Variants in RFX3 observed in about 807,000 individuals in gnomAD.
RFX3 encodes the protein regulatory factor X3.
RFX3 carries 14 observed loss-of-function variants against 98.6 expected under a neutral mutation model. The observed-to-expected ratio is 0.14, with a 90% CI of 0.09 to 0.22. The LOEUF is 0.22. Ranked by LOEUF, RFX3 falls within the 10% of genes least tolerant of loss-of-function variation. RFX3 has a pLI of 1.00. For missense variants in RFX3, 639 were observed against 926.9 expected (o/e 0.69, Z 4.03); for synonymous variants, 383 against 328.4 (o/e 1.17, Z -1.80).
At chr9:3,501,397 T>C (rs1261482318) in intron 1 of RFX3, among the ~76,000 whole-genome samples, 1 of 152,068 alleles carries the variant, frequency 6.6e-6, no homozygotes, top group Non-Finnish European at 1.5e-5. Flanking sequence ...TATTACCAAG[T>C]ATAAAAAGAA....
intron 1 of RFX3, among the ~76,000 whole-genome samples, chr9:3,418,947 G>A (rs1843214853): frequency 6.6e-6 from 1 of 152,138 alleles, no homozygotes; most frequent in Non-Finnish European, 1.5e-5. Flanking sequence ...CACATGAGAT[G>A]ATAGAAAAGT....
intron 9 of RFX3, among the ~76,000 whole-genome samples, chr9:3,272,615 C>T (rs1824646292): frequency 6.6e-6 from 1 of 152,184 alleles, no homozygotes; most frequent in African/African-American, 2.4e-5. Context: ...TCTCCAGCAG[C>T]AAATTTTTGT....
chr9:3,334,359 T>C (rs568523150), intron 3 of RFX3, among the ~76,000 whole-genome samples: 12 of 152,294 alleles, frequency 7.9e-5, no homozygotes, highest in African/African-American at 2.9e-4. Context: ...CGGATTGGAA[T>C]TTTAGATGTT....
At chr9:3,355,965 G>A (rs1270804024) in intron 2 of RFX3, among the ~76,000 whole-genome samples, 3 of 151,648 alleles carry the variant, frequency 2.0e-5, no homozygotes, top group Non-Finnish European at 4.4e-5. Flanking sequence ...AAATCACAAG[G>A]GAAATTAGAC....
chr9:3,439,878 T>C (rs916720683), intron 1 of RFX3, among the ~76,000 whole-genome samples: 5 of 151,934 alleles, frequency 3.3e-5, no homozygotes, highest in African/African-American at 1.2e-4. Context: ...TCTTAAACCG[T>C]TAAATCTAAT....
intron 15 of RFX3, among the ~76,000 whole-genome samples, chr9:3,241,220 T>C (rs965200643): frequency 2.0e-5 from 1 of 50,350 alleles, no homozygotes. Flanking sequence ...TCTAGGAGTT[T>C]TTTGTTTTTT....
intron 2 of RFX3, among the ~76,000 whole-genome samples, chr9:3,360,159 TTAAA>T (rs1836243835): frequency 6.6e-6 from 1 of 152,090 alleles, no homozygotes. Context: ...GAAGAGATAA[TTAAA>T]TAAACTCTCT....
rs556708411 is a variant in RFX3, at chr9:3,429,176, A to C, written c.-8-33580T>G. On this transcript the variant is annotated intron_variant, in intron 1 of 16. Coordinates refer to ENST00000617270, the MANE Select transcript of RFX3 (RefSeq NM_001282116.2). ...TAGCTGGGACTACAGGCGCCCGCCAACACGTCCGGCTAATTTTTTGTATTT... is the reference window on the plus strand; with the variant it reads ...TAGCTGGGACTACAGGCGCCCGCCACCACGTCCGGCTAATTTTTTGTATTT... 3.9e-3 allele frequency among the ~76,000 whole-genome samples: 587 copies of C among 151,012 alleles called. 4 individuals are homozygous for C. Among genetic ancestry groups the C allele is most frequent in the Non-Finnish European group, 5.3e-3 (358 of 67,708 alleles).
intron 2 of RFX3, among the ~76,000 whole-genome samples, chr9:3,378,555 CTTT>C (rs869126415): frequency 2.4e-5 from 3 of 125,078 alleles, no homozygotes; most frequent in Non-Finnish European, 3.4e-5. Flanking sequence ...TTTTTTCTTT[CTTT>C]TTTTTTTTTT....
intron 4 of RFX3, among the ~76,000 whole-genome samples, chr9:3,312,259 G>A (rs193301989): frequency 1.3e-5 from 2 of 152,028 alleles, no homozygotes; most frequent in Non-Finnish European, 2.9e-5. Flanking sequence ...AGTGAGTATT[G>A]GGCCACAATG....
intron 7 of RFX3, among the ~76,000 whole-genome samples, 167 bp downstream of exon 7, chr9:3,287,964 A>G (rs1213977315): frequency 6.6e-6 from 1 of 152,056 alleles, no homozygotes; most frequent in Non-Finnish European, 1.5e-5. Context: ...TTTGGAAAAC[A>G]GGCGAGATCA....
At chr9:3,254,160 G>C (rs758771105) in intron 14 of RFX3, among the ~76,000 whole-genome samples, 15 of 151,820 alleles carry the variant, frequency 9.9e-5, no homozygotes, top group Non-Finnish European at 1.6e-4. Context: ...TATCTGCAGA[G>C]AACAAGAAAT....
At chr9:3,470,549 G>A (rs532832631) in intron 1 of RFX3, among the ~76,000 whole-genome samples, 1 of 150,942 alleles carries the variant, frequency 6.6e-6, no homozygotes, top group South Asian at 2.1e-4. Context: ...GGATGGTCTC[G>A]ATCTCCTGAC....
At chr9:3,416,171 T>C (rs1564071957) in intron 1 of RFX3, among the ~76,000 whole-genome samples, 1 of 152,190 alleles carries the variant, frequency 6.6e-6, no homozygotes, top group Non-Finnish European at 1.5e-5. Flanking sequence ...GCAATTTAAC[T>C]AGGTGCTTTA....
At position 3,346,381 on chromosome 9, in the gene RFX3, C is replaced by G. The variant is rs1834441634; in HGVS notation, c.215+286G>C. On this transcript the variant is annotated intron_variant, in intron 3 of 16. Transcript: ENST00000617270. ...AGCTATCATTAAAATACAGATATCA[C>G]TAACAAGGGGTATATACATTTTTTC... Among the ~76,000 whole-genome samples, 2 of 151,998 alleles carry G rather than the reference C, an allele frequency of 1.3e-5. 1 individual carries two copies. Among genetic ancestry groups the G allele is most frequent in the South Asian group, 4.2e-4 (2 of 4,818 alleles).
chr9:3,236,808 T>C (rs1053514935), intron 15 of RFX3, among the ~76,000 whole-genome samples: 1 of 152,232 alleles, frequency 6.6e-6, no homozygotes, highest in Non-Finnish European at 1.5e-5. Flanking sequence ...ATCAGGTACC[T>C]TGGAGACCAG....
intron 2 of RFX3, among the ~76,000 whole-genome samples, chr9:3,358,985 C>T (rs1182780885): frequency 2.0e-5 from 3 of 151,726 alleles, no homozygotes; most frequent in East Asian, 3.9e-4. Flanking sequence ...ACCCTTGACA[C>T]ATGGGGATTA....
At chr9:3,509,316 A>G (rs1329149948) in intron 1 of RFX3, among the ~76,000 whole-genome samples, 1 of 151,994 alleles carries the variant, frequency 6.6e-6, no homozygotes, top group Non-Finnish European at 1.5e-5. Context: ...ACCTACAAGA[A>G]CAAAGATTTC....
At chr9:3,269,445 C>T (rs1824085370) in intron 11 of RFX3, among the ~76,000 whole-genome samples, 1 of 152,068 alleles carries the variant, frequency 6.6e-6, no homozygotes, top group South Asian at 2.1e-4. Flanking sequence ...TAGCCAACTT[C>T]ACAAGCTATA....
Sources: gnomAD v4.1 joint callset for allele counts (sites outside exome capture counted in the v4.1 genomes callset) on GRCh38, gnomAD v4.1.1 for gene constraint, MANE v1.5 for transcripts, NCBI Gene and HGNC (gene_info 2026-07-23, HGNC 2026-07-21) for gene names.